The following EYA1 variants were observed in gnomAD, a reference collection of about 807,000 sequenced individuals.
EYA1 encodes EYA transcriptional coactivator and phosphatase 1, also known as protein phosphatase EYA1.
Under a neutral mutation model 82.0 loss-of-function variants are expected in EYA1, and 16 were observed. The observed-to-expected ratio is 0.20, with a 90% CI of 0.13 to 0.30. The LOEUF (loss-of-function observed/expected upper bound fraction) is 0.30, where lower values mean the gene tolerates loss of function less well. Ranked by LOEUF, EYA1 falls within the 10% of genes least tolerant of loss-of-function variation. The pLI is 1.00. For missense variants in EYA1, 633 were observed against 730.7 expected (o/e 0.87, Z 1.54); for synonymous variants, 261 against 264.4 (o/e 0.99, Z 0.12).
chr8:71,353,908 G>A lies in EYA1; in HGVS notation c.124+874C>T, dbSNP rs945796153. Reference sequence around the variant, plus strand: ...CATCAAGGTCCTAAGGCTTAGTAACGAATAAATAAGCAAAATATTAATCTA... The same window carrying A: ...CATCAAGGTCCTAAGGCTTAGTAACAAATAAATAAGCAAAATATTAATCTA... On this transcript the variant is annotated intron_variant, in intron 3 of 17. Coordinates refer to ENST00000340726, the MANE Select transcript of EYA1 (RefSeq NM_000503.6). 1.3e-4 allele frequency among the ~76,000 whole-genome samples: 20 copies of A among 152,090 alleles called. 1 individual carries two copies. Among genetic ancestry groups the A allele is most frequent in the African/African-American group, 3.4e-4 (14 of 41,524 alleles).
chr8:71,222,957 C>T (rs1270545158), intron 12 of EYA1, among the ~76,000 whole-genome samples: 1 of 152,124 alleles, frequency 6.6e-6, no homozygotes, highest in Non-Finnish European at 1.5e-5. Context: ...GTCATGGACC[C>T]CTCTTCCTGC....
At chr8:71,206,850 G>C (rs137914300) in intron 17 of EYA1, among the ~76,000 whole-genome samples, 2 of 152,128 alleles carry the variant, frequency 1.3e-5, no homozygotes, top group East Asian at 3.9e-4. Context: ...TGACCTCCTG[G>C]GCTCCAGTGA....
intron 2 of EYA1, among the ~76,000 whole-genome samples, chr8:71,512,071 A>G (rs1812639757): frequency 6.6e-6 from 1 of 152,218 alleles, no homozygotes; most frequent in Admixed American, 6.6e-5. Context: ...TGTATATGTC[A>G]TGATCAAATG....
intron 16 of EYA1, among the ~76,000 whole-genome samples, chr8:71,212,127 A>G (rs1173642901): frequency 3.9e-5 from 6 of 152,208 alleles, no homozygotes; most frequent in African/African-American, 1.4e-4. Context: ...TTAATGGACA[A>G]TGGGACAGTT....
chr8:71,274,975 A>T (rs1816987806), intron 9 of EYA1, among the ~76,000 whole-genome samples: 1 of 129,156 alleles, frequency 7.7e-6, no homozygotes, highest in Admixed American at 8.1e-5. Flanking sequence ...AGCGCGTGCG[A>T]GAGCGCATGT....
At chr8:71,347,526 G>C (rs1408613798) in intron 3 of EYA1, among the ~76,000 whole-genome samples, 1 of 151,940 alleles carries the variant, frequency 6.6e-6, no homozygotes, top group Non-Finnish European at 1.5e-5. Context: ...GTTTCACCTT[G>C]TTATCCAGGA....
intron 2 of EYA1, among the ~76,000 whole-genome samples, chr8:71,401,550 T>A (rs953558014): frequency 6.6e-6 from 1 of 152,232 alleles, no homozygotes; most frequent in Non-Finnish European, 1.5e-5. Context: ...ATTTCACAGG[T>A]TTTGCTATGA....
chr8:71,529,540 C>G (rs532447652), intron 2 of EYA1: 22 of 152,286 alleles, frequency 1.4e-4, no homozygotes, highest in African/African-American at 5.3e-4. Context: ...CTTCAATGAT[C>G]TCAAAATGGG....
intron 9 of EYA1, among the ~76,000 whole-genome samples, chr8:71,278,995 G>T (rs373655172): frequency 6.6e-6 from 1 of 152,168 alleles, no homozygotes; most frequent in Non-Finnish European, 1.5e-5. Flanking sequence ...ACTCCTAGCC[G>T]AGAGGAAGCT....
chr8:71,406,666 T>C (rs7842257), intron 2 of EYA1, among the ~76,000 whole-genome samples: 109,216 of 152,032 alleles, frequency 0.72, 40,063 homozygotes, highest in African/African-American at 0.82. Flanking sequence ...CTTTTCAGAC[T>C]GGCTTAAAAA....
chr8:71,367,367 T>C (rs1827816930), intron 2 of EYA1, among the ~76,000 whole-genome samples: 2 of 152,138 alleles, frequency 1.3e-5, no homozygotes, highest in South Asian at 4.1e-4. Flanking sequence ...ATATTAAAAG[T>C]GCACTTCACA....
chr8:71,268,582 G>C (rs1376861463), intron 11 of EYA1, among the ~76,000 whole-genome samples: 1 of 152,038 alleles, frequency 6.6e-6, no homozygotes, highest in African/African-American at 2.4e-5. Context: ...CATTTTTGTT[G>C]TCTTCTTATA....
At chr8:71,231,489 C>A (rs1274036147) in intron 12 of EYA1, among the ~76,000 whole-genome samples, 1 of 152,228 alleles carries the variant, frequency 6.6e-6, no homozygotes, top group Admixed American at 6.5e-5. Flanking sequence ...AGTCACTGCT[C>A]CAACACTCTG....
At chr8:71,532,867 C>G (rs1814401228) in intron 2 of EYA1, among the ~76,000 whole-genome samples, 1 of 151,990 alleles carries the variant, frequency 6.6e-6, no homozygotes, top group Non-Finnish European at 1.5e-5. Flanking sequence ...AATCAAGGTC[C>G]CCAGAGAAGT....
intron 11 of EYA1, among the ~76,000 whole-genome samples, chr8:71,251,804 T>C (rs1294368400): frequency 6.7e-6 from 1 of 149,154 alleles, no homozygotes. Flanking sequence ...GCATCAACCC[T>C]GGTCCACTAC....
At chr8:71,215,255 G>C in intron 16 of EYA1, 132 bp downstream of exon 16, 1 of 873,922 alleles carries the variant, frequency 1.1e-6, no homozygotes, top group Non-Finnish European at 1.8e-6. Flanking sequence ...TTTGCAAATT[G>C]GTTAAATTAT....
chr8:71,520,205 C>T (rs1318535437), intron 2 of EYA1, among the ~76,000 whole-genome samples: 4 of 151,128 alleles, frequency 2.6e-5, no homozygotes. Context: ...ATACAAACCC[C>T]CTCATTGGCC....
chr8:71,391,547 T>G (rs1829282543), intron 2 of EYA1, among the ~76,000 whole-genome samples: 1 of 152,206 alleles, frequency 6.6e-6, no homozygotes, highest in African/African-American at 2.4e-5. Context: ...ATGATTATGT[T>G]GTAAAACTCT....
intron 2 of EYA1, among the ~76,000 whole-genome samples, chr8:71,484,752 C>T (rs1810431887): frequency 6.6e-6 from 1 of 152,248 alleles, no homozygotes; most frequent in African/African-American, 2.4e-5. Context: ...CTTCCTGTCC[C>T]AGGGAGCTAT....
Sources: gnomAD v4.1 joint callset for allele counts (sites outside exome capture counted in the v4.1 genomes callset) on GRCh38, gnomAD v4.1.1 for gene constraint, MANE v1.5 for transcripts, NCBI Gene and HGNC (gene_info 2026-07-23, HGNC 2026-07-21) for gene names.